Variants in DPF3 observed in about 807,000 individuals in gnomAD.
DPF3 encodes the protein zinc finger protein DPF3.
In DPF3, 18 loss-of-function variants were observed where a neutral mutation model predicts 56.8. The ratio of observed to expected loss-of-function variants is 0.32; its 90% CI spans 0.22 to 0.47. The LOEUF is 0.47. Among genes scored for constraint, DPF3 ranks in the 20% least tolerant of loss-of-function variants. The pLI, the probability that DPF3 is intolerant of heterozygous loss-of-function variation, is 1.00. For missense variants in DPF3, 403 were observed against 488.8 expected (o/e 0.82, Z 1.65); for synonymous variants, 188 against 180.2 (o/e 1.04, Z -0.35).
intron 3 of DPF3, among the ~76,000 whole-genome samples, chr14:72,738,748 AAG>A (rs1364771520): frequency 6.6e-6 from 1 of 152,282 alleles, no homozygotes; most frequent in South Asian, 2.1e-4. Flanking sequence ...GAAAATTGCT[AAG>A]AGAGTCAATC....
intron 6 of DPF3, among the ~76,000 whole-genome samples, chr14:72,703,733 G>A (rs1888283566): frequency 6.6e-6 from 1 of 152,154 alleles, no homozygotes; most frequent in Non-Finnish European, 1.5e-5. Context: ...GGGGAGGTGT[G>A]AGAACTGCAG....
At chr14:72,841,527 G>C (rs1884541502) in intron 1 of DPF3, among the ~76,000 whole-genome samples, 2 of 152,074 alleles carry the variant, frequency 1.3e-5, no homozygotes, top group Non-Finnish European at 2.9e-5. Flanking sequence ...TGGGGTTAGG[G>C]GAGAGATGGA....
At chr14:72,645,928 G>T (rs2153568146) in intron 8 of DPF3, among the ~76,000 whole-genome samples, 1 of 152,294 alleles carries the variant, frequency 6.6e-6, no homozygotes, top group South Asian at 2.1e-4. Flanking sequence ...ACAAAAGTGG[G>T]CCCATCGACC....
chr14:72,684,009 A>C (rs185750688), intron 7 of DPF3, among the ~76,000 whole-genome samples: 162 of 152,294 alleles, frequency 1.1e-3, no homozygotes, highest in African/African-American at 3.8e-3. Context: ...GAAAGTGTTG[A>C]GAGCATGAGA....
chr14:72,848,139 CTTA>C (rs1178334112), intron 1 of DPF3, among the ~76,000 whole-genome samples: 2 of 152,134 alleles, frequency 1.3e-5, no homozygotes, highest in Non-Finnish European at 2.9e-5. Flanking sequence ...AAACTTCTGT[CTTA>C]TTTAGCTTTT....
intron 8 of DPF3, chr14:72,662,083 T>A (rs1886241445): frequency 1.0e-6 from 1 of 985,144 alleles, no homozygotes; most frequent in Non-Finnish European, 1.2e-6. Context: ...TGTGGCTAAG[T>A]TATTTCAGTC....
intron 1 of DPF3, among the ~76,000 whole-genome samples, chr14:72,885,228 C>T (rs866622975): frequency 1.3e-5 from 2 of 151,084 alleles, no homozygotes; most frequent in African/African-American, 2.4e-5. Context: ...GTGTTTATCC[C>T]AGAACGCAAT....
rs545989643 is a variant in DPF3, at chr14:72,612,819, T to C, written c.*6478A>G. Among the ~76,000 whole-genome samples the C allele has an allele frequency of 3.0e-4, 45 of 152,304 alleles. No homozygotes were observed. Among genetic ancestry groups the C allele is most frequent in the Non-Finnish European group, 6.2e-4 (42 of 68,020 alleles). ...AGAAGGAGAGAGGTCGCGGAGCCAG[T>C]AGCTTTCCAAGCACAAGGCTCCCTT... On this transcript the variant is annotated 3_prime_UTR_variant, in exon 11 of 11. Coordinates refer to ENST00000556509, the MANE Select transcript of DPF3 (RefSeq NM_001280542.3).
intron 9 of DPF3, among the ~76,000 whole-genome samples, chr14:72,627,491 T>A (rs564444069): frequency 6.6e-6 from 1 of 152,218 alleles, no homozygotes; most frequent in Admixed American, 6.5e-5. Flanking sequence ...GGGCTTTCTA[T>A]TCTATCTCAG....
chr14:72,750,607 T>G (rs926238988), intron 3 of DPF3, among the ~76,000 whole-genome samples: 21 of 151,934 alleles, frequency 1.4e-4, no homozygotes, highest in Non-Finnish European at 2.2e-4. Context: ...ATTCATACAA[T>G]GGAATATTAT....
intron 7 of DPF3, 96 bp from the exon 8 acceptor site, chr14:72,674,464 G>A: frequency 6.8e-6 from 10 of 1,470,958 alleles, no homozygotes; most frequent in Non-Finnish European, 9.0e-6. Context: ...TGCTCCAGAA[G>A]GAATCTGAGG....
intron 8 of DPF3, among the ~76,000 whole-genome samples, chr14:72,639,339 G>A (rs369398129): frequency 3.8e-4 from 58 of 152,260 alleles, no homozygotes; most frequent in Non-Finnish European, 5.6e-4. Flanking sequence ...AGTCTCTGGC[G>A]TGGCTATCAA....
chr14:72,845,473 C>T (rs1460029174), intron 1 of DPF3, among the ~76,000 whole-genome samples: 1 of 152,192 alleles, frequency 6.6e-6, no homozygotes, highest in East Asian at 1.9e-4. Context: ...TGCTTACCTC[C>T]TGGCCCACTC....
At chr14:72,690,988 T>C (rs1887654902) in intron 7 of DPF3, among the ~76,000 whole-genome samples, 1 of 152,130 alleles carries the variant, frequency 6.6e-6, no homozygotes, top group Non-Finnish European at 1.5e-5. Context: ...GAAAGGGAAA[T>C]GCAAGTATTG....
chr14:72,635,217 G>T (rs1428759999), intron 8 of DPF3, among the ~76,000 whole-genome samples: 1 of 152,214 alleles, frequency 6.6e-6, no homozygotes, highest in Non-Finnish European at 1.5e-5. Context: ...TCAGCAGATG[G>T]AGGGAAAGGG....
chr14:72,787,994 G>C (rs145980555), intron 1 of DPF3, among the ~76,000 whole-genome samples: 1 of 152,352 alleles, frequency 6.6e-6, no homozygotes, highest in East Asian at 1.9e-4. Context: ...GGAGAGAAGA[G>C]AGGGCTTTGG....
At chr14:72,767,344 G>T (rs2139933936) in intron 2 of DPF3, among the ~76,000 whole-genome samples, 1 of 152,252 alleles carries the variant, frequency 6.6e-6, no homozygotes, top group Non-Finnish European at 1.5e-5. Flanking sequence ...AAAAATGTTA[G>T]AATTATCTGA....
intron 1 of DPF3, among the ~76,000 whole-genome samples, chr14:72,831,421 CAAT>C (rs1450493086): frequency 6.6e-6 from 1 of 152,164 alleles, no homozygotes; most frequent in African/African-American, 2.4e-5. Context: ...GCCCAGCTAA[CAAT>C]AAATTTCTGG....
chr14:72,892,022 A>G, intron 1 of DPF3: 2 of 938,922 alleles, frequency 2.1e-6, no homozygotes, highest in Non-Finnish European at 2.8e-6. Context: ...CCAAACACGC[A>G]CCCTACTGTG....
Sources: allele counts gnomAD v4.1 joint callset (sites outside exome capture counted in the v4.1 genomes callset), GRCh38; gene constraint gnomAD v4.1.1; transcripts MANE v1.5; gene names NCBI Gene and HGNC (gene_info 2026-07-23, HGNC 2026-07-21).